ZNF480: variants seen among roughly 807,000 people sequenced by gnomAD.
The protein encoded by ZNF480 is zinc finger protein 480.
A neutral mutation model predicts 14.4 loss-of-function variants in ZNF480; 15 were observed. The ratio of observed to expected loss-of-function variants is 1.04; its 90% confidence interval spans 0.70 to 1.60. The LOEUF is 1.60. Among genes scored for constraint, ZNF480 ranks in the 40% most tolerant of loss-of-function variants. The pLI, the probability that ZNF480 is intolerant of heterozygous loss-of-function variation, is 0.00. For synonymous variants in ZNF480, 218 were observed against 215.5 expected (o/e 1.01, Z -0.10); for missense variants, 593 against 629.7 (o/e 0.94, Z 0.62).
At chr19:52,315,441 G>A (rs1349814236) in intron 3 of ZNF480, among the ~76,000 whole-genome samples, 1 of 151,712 alleles carries the variant, frequency 6.6e-6, no homozygotes, top group Non-Finnish European at 1.5e-5. Context: ...TTAACTGCTC[G>A]AGTAGCTGGG....
rs1255310327 is a variant in ZNF480 at position 52,312,165 on chromosome 19, TGACAGA to T, written c.73-1986_73-1981del. ...TCATATATAATTTTTTTTTTTTTTTTGACAGAGTCTCTGTTTGTCACCAGGCTGGAG... is the reference window on the plus strand; with the variant it reads ...TCATATATAATTTTTTTTTTTTTTTTGTCTCTGTTTGTCACCAGGCTGGAG... On this transcript the variant is annotated intron_variant, in intron 2 of 4. Coordinates refer to ENST00000595962, the MANE Select transcript of ZNF480 (RefSeq NM_144684.4). Among the ~76,000 whole-genome samples, 838 of 137,052 alleles carry T rather than the reference TGACAGA, an allele frequency of 6.1e-3. 16 individuals carry two copies. The highest frequency in any genetic ancestry group is 0.021 in the African/African-American group (787 of 37,662). The allele number at this position is 137,052 out of a possible 152,430, so 89.9% of individuals were successfully genotyped here.
chr19:52,307,165 C>T (rs78508819), intron 2 of ZNF480, among the ~76,000 whole-genome samples: 9 of 152,182 alleles, frequency 5.9e-5, no homozygotes, highest in African/African-American at 2.2e-4. Flanking sequence ...ATGACTTCTT[C>T]AGTGTGCTGC....
At chr19:52,306,907 G>A (rs949746067) in intron 2 of ZNF480, among the ~76,000 whole-genome samples, 7 of 152,166 alleles carry the variant, frequency 4.6e-5, no homozygotes, top group Non-Finnish European at 1.0e-4. Flanking sequence ...GAAAGACCTG[G>A]AGGGTGAGGC....
chr19:52,313,179 C>T (rs958509153), intron 2 of ZNF480, among the ~76,000 whole-genome samples: 1 of 146,138 alleles, frequency 6.8e-6, no homozygotes, highest in African/African-American at 2.6e-5. Context: ...TCTTTTCCCC[C>T]AGGATGGACT....
In ZNF480 at chr19:52,322,267, A is replaced by C; in HGVS notation, c.1017A>C (p.Gly339=). The C allele has an allele frequency of 6.2e-7, 1 of 1,614,066 alleles. No individual in the cohort carries two copies. Among genetic ancestry groups the C allele is most frequent in the Non-Finnish European group, 8.5e-7 (1 of 1,180,008 alleles). ...CAAATCATTGGAGAATTTATACTGG[A>C]GAGAAGCCTTACAAATGTGATGAAT... The part of the protein sequence containing the change: ...SLANHWRIYT[G]EKPYKCDECG... The change falls in exon 5 of 5, where the codon GGA becomes GGC. Residue 339 remains glycine, a synonymous_variant. Transcript: ENST00000595962.
At chr19:52,304,942 C>A (rs1982858461) in intron 2 of ZNF480, among the ~76,000 whole-genome samples, 1 of 151,652 alleles carries the variant, frequency 6.6e-6, no homozygotes, top group Non-Finnish European at 1.5e-5. Context: ...ACTAAAAATA[C>A]AAAAAAATTA....
Position 52,323,517 on chromosome 19 carries a change from T to C in ZNF480, c.*659T>C, listed in dbSNP as rs1420254635. On this transcript the variant is annotated 3_prime_UTR_variant, in exon 5 of 5. Transcript: ENST00000595962. Reference sequence around the variant, plus strand: ...ATGAAAAAAGAAAACTTCAGGCTGGTACTCCTGACGAATATAGGTGCCAAA... The same window carrying C: ...ATGAAAAAAGAAAACTTCAGGCTGGCACTCCTGACGAATATAGGTGCCAAA... 6.6e-6 allele frequency: 1 copy of C among 152,098 alleles called. No homozygotes were observed. Among genetic ancestry groups the C allele is most frequent in the Non-Finnish European group, 1.5e-5 (1 of 68,026 alleles). The allele number at this position is 152,098 out of a possible 1,614,324, so 9.4% of individuals were successfully genotyped here.
chr19:52,314,630 C>T lies in ZNF480; in HGVS notation c.199+351C>T, dbSNP rs190321610. Among the ~76,000 whole-genome samples, 7 of 151,680 alleles carry T rather than the reference C, an allele frequency of 4.6e-5. No individual in the cohort carries two copies. The East Asian group carries it at 5.8e-4, about 13-fold the overall frequency. On this transcript the variant is annotated intron_variant, in intron 3 of 4. Coordinates refer to ENST00000595962, the MANE Select transcript of ZNF480 (RefSeq NM_144684.4). Reference sequence around the variant, plus strand: ...ACCAGCCTGGCCAACATGGTGAAACCCCATCTCTACTAAAAATACAAAAAT... The same window carrying T: ...ACCAGCCTGGCCAACATGGTGAAACTCCATCTCTACTAAAAATACAAAAAT...
At chr19:52,298,023 G>A (rs1982494036) in intron 1 of ZNF480, 1 of 152,214 alleles carries the variant, frequency 6.6e-6, no homozygotes, top group Non-Finnish European at 1.5e-5. Flanking sequence ...AGTAGCAGGG[G>A]GAAAAAAGCA....
intron 3 of ZNF480, among the ~76,000 whole-genome samples, chr19:52,315,105 C>T (rs912922961): frequency 2.0e-5 from 3 of 151,906 alleles, no homozygotes; most frequent in African/African-American, 7.3e-5. Context: ...ATTACAGGCA[C>T]GTGCCACCAC....
chr19:52,306,690 A>AT (rs2122525830), intron 2 of ZNF480, among the ~76,000 whole-genome samples: 2 of 152,298 alleles, frequency 1.3e-5, no homozygotes, highest in African/African-American at 4.8e-5. Context: ...TTCTTTAAGT[A>AT]TTTTAAAAGG....
At chr19:52,300,516 C>G (rs369743346) in intron 2 of ZNF480, 32 bp downstream of exon 2, 2 of 1,607,146 alleles carry the variant, frequency 1.2e-6, no homozygotes. Flanking sequence ...ATTGTTCTGT[C>G]TCCTTTCTTT....
At position 52,323,714 on chromosome 19, in the gene ZNF480, A is replaced by G. The variant is rs1015297430; in HGVS notation, c.*856A>G. The G allele has an allele frequency of 6.6e-6, 1 of 152,228 alleles. No individual in the cohort carries two copies. The highest frequency in any genetic ancestry group is 6.5e-5 in the Admixed American group (1 of 15,272). 9.4% of individuals were successfully genotyped at this position (152,228 alleles called of 1,614,324 possible). On this transcript the variant is annotated 3_prime_UTR_variant, in exon 5 of 5. Transcript: ENST00000595962. ...AAACAAAAACCACATGACCATGATCATCTCTTTAGATGCAGAAAGGTTTTT... is the reference window on the plus strand; with the variant it reads ...AAACAAAAACCACATGACCATGATCGTCTCTTTAGATGCAGAAAGGTTTTT...
At chr19:52,299,620 T>C (rs1216863270) in intron 1 of ZNF480, among the ~76,000 whole-genome samples, 1 of 152,196 alleles carries the variant, frequency 6.6e-6, no homozygotes, top group Non-Finnish European at 1.5e-5. Context: ...AAGATACAGA[T>C]GACTAGCCCG....
intron 4 of ZNF480, among the ~76,000 whole-genome samples, chr19:52,321,019 C>A (rs1983785346): frequency 6.6e-6 from 1 of 152,120 alleles, no homozygotes; most frequent in African/African-American, 2.4e-5. Context: ...ATTTAGAGAG[C>A]TGCCTGTCTT....
intron 4 of ZNF480, 27 bp from the exon 5 acceptor site, chr19:52,321,552 A>G: frequency 6.5e-7 from 1 of 1,537,498 alleles, no homozygotes; most frequent in South Asian, 1.3e-5. Context: ...ATGGGGTCTG[A>G]ATTTTACTTT....
At chr19:52,318,405 G>C (rs896121139) in intron 4 of ZNF480, among the ~76,000 whole-genome samples, 6 of 152,136 alleles carry the variant, frequency 3.9e-5, no homozygotes, top group African/African-American at 1.4e-4. Flanking sequence ...ACCACATCCG[G>C]CCTATATATA....
At chr19:52,321,466 C>A in intron 4 of ZNF480, 113 bp from the exon 5 acceptor site, 1 of 878,728 alleles carries the variant, frequency 1.1e-6, no homozygotes, top group Non-Finnish European at 1.7e-6. Context: ...ACAAAGTGTG[C>A]TGATATTTCT....
chr19:52,313,588 A>G (rs1293568920), intron 2 of ZNF480, among the ~76,000 whole-genome samples: 2 of 152,194 alleles, frequency 1.3e-5, no homozygotes, highest in Non-Finnish European at 2.9e-5. Flanking sequence ...TAATGCTTCT[A>G]TAGAGATAAC....
Sources: gnomAD v4.1 joint callset for allele counts (sites outside exome capture counted in the v4.1 genomes callset) on GRCh38, gnomAD v4.1.1 for gene constraint, MANE v1.5 for transcripts, NCBI Gene and HGNC (gene_info 2026-07-23, HGNC 2026-07-21) for gene names.